CDH18: variants seen among roughly 807,000 people sequenced by gnomAD.
CDH18 encodes cadherin-18.
In CDH18, 31 loss-of-function variants were observed where a neutral mutation model predicts 67.9. The ratio of observed to expected loss-of-function variants is 0.46; its 90% CI spans 0.34 to 0.62. The LOEUF (loss-of-function observed/expected upper bound fraction) is 0.62. Ranked by LOEUF, CDH18 falls within the 20% of genes least tolerant of loss-of-function variation. The pLI is 0.01. For synonymous variants in CDH18, 362 were observed against 347.2 expected, an observed-to-expected ratio of 1.04 and a Z score of -0.48; for missense variants, 890 against 975.5, an observed-to-expected ratio of 0.91 and a Z score of 1.17.
intron 9 of CDH18, among the ~76,000 whole-genome samples, chr5:19,521,303 C>T (rs577384358): frequency 3.0e-4 from 45 of 152,160 alleles, no homozygotes; most frequent in African/African-American, 1.1e-3. Context: ...TAATTGAAAT[C>T]AAAATTTAGC....
chr5:19,742,407 TACACAC>T (rs5866397), intron 4 of CDH18, among the ~76,000 whole-genome samples: 2 of 149,590 alleles, frequency 1.3e-5, no homozygotes, highest in Admixed American at 1.3e-4. Context: ...CACGCATGGG[TACACAC>T]ACACACACAC....
chr5:19,700,395 G>A (rs1763086347), intron 5 of CDH18, among the ~76,000 whole-genome samples: 1 of 152,180 alleles, frequency 6.6e-6, no homozygotes, highest in Non-Finnish European at 1.5e-5. Flanking sequence ...ATTGTCGACT[G>A]AAACATAGTT....
chr5:20,567,049 C>A (rs751576846), intron 1 of CDH18, among the ~76,000 whole-genome samples: 18 of 152,196 alleles, frequency 1.2e-4, no homozygotes, highest in Admixed American at 3.3e-4. Context: ...ATCAACTCTT[C>A]TTTATTCACT....
chr5:19,658,979 A>T (rs1326631407), intron 5 of CDH18, among the ~76,000 whole-genome samples: 2 of 152,108 alleles, frequency 1.3e-5, no homozygotes, highest in East Asian at 3.9e-4. Flanking sequence ...ATAAAAAATG[A>T]TGAGTTCATG....
chr5:19,554,177 C>T (rs895987280), intron 8 of CDH18, among the ~76,000 whole-genome samples: 3 of 152,156 alleles, frequency 2.0e-5, no homozygotes, highest in Non-Finnish European at 2.9e-5. Flanking sequence ...TACTTTTTAA[C>T]CTCCTGAATC....
chr5:19,779,521 C>T (rs941674941), intron 3 of CDH18, among the ~76,000 whole-genome samples: 1 of 152,158 alleles, frequency 6.6e-6, no homozygotes, highest in African/African-American at 2.4e-5. Flanking sequence ...CAATTCATGG[C>T]TTCCATGTTT....
chr5:19,692,336 G>A (rs192100032), intron 5 of CDH18, among the ~76,000 whole-genome samples: 14 of 152,122 alleles, frequency 9.2e-5, no homozygotes, highest in African/African-American at 3.4e-4. Flanking sequence ...AAATTTTATG[G>A]CTAAGACCTC....
chr5:19,683,233 G>C lies in CDH18; in HGVS notation c.643+38114C>G, dbSNP rs959287214. On this transcript the variant is annotated intron_variant, in intron 5 of 12. Coordinates refer to ENST00000382275, the MANE Select transcript of CDH18 (RefSeq NM_004934.5). ...ATTGTTGCTTAAAGGAATTTCTCAT[G>C]GTTTCTTAGCAATTCTGTTTCATAT... Among the ~76,000 whole-genome samples, 4 of 151,924 alleles carry C rather than the reference G, an allele frequency of 2.6e-5. No individual in the cohort carries two copies. The South Asian group carries it at 8.3e-4, about 32-fold the overall frequency.
intron 5 of CDH18, among the ~76,000 whole-genome samples, chr5:19,687,125 T>G (rs754542386): frequency 6.6e-6 from 1 of 152,180 alleles, no homozygotes; most frequent in Non-Finnish European, 1.5e-5. Context: ...GGCTCCCCAC[T>G]GTGTGGAGCA....
chr5:19,871,479 T>C (rs979597763), intron 2 of CDH18, among the ~76,000 whole-genome samples: 2 of 152,204 alleles, frequency 1.3e-5, no homozygotes, highest in East Asian at 1.9e-4. Flanking sequence ...AAATAGCACA[T>C]AGCGTTTGAA....
intron 1 of CDH18, among the ~76,000 whole-genome samples, chr5:20,565,832 C>A (rs1237306884): frequency 6.6e-6 from 1 of 151,684 alleles, no homozygotes; most frequent in Non-Finnish European, 1.5e-5. Context: ...GTCAACTAAC[C>A]AACTAATCCC....
At chr5:20,566,100 C>G (rs1454488907) in intron 1 of CDH18, among the ~76,000 whole-genome samples, 1 of 152,034 alleles carries the variant, frequency 6.6e-6, no homozygotes, top group Non-Finnish European at 1.5e-5. Flanking sequence ...AGCACTGACT[C>G]TAATTAGTAA....
At chr5:20,173,238 AT>A (rs1736980549) in intron 2 of CDH18, among the ~76,000 whole-genome samples, 1 of 152,194 alleles carries the variant, frequency 6.6e-6, no homozygotes, top group African/African-American at 2.4e-5. Flanking sequence ...TACATGCATA[AT>A]AACAGATTGT....
chr5:20,172,208 ATATATATATATATATG>A lies in CDH18; in HGVS notation c.-518+83220_-518+83235del, dbSNP rs1454448158. On this transcript the variant is annotated intron_variant, in intron 2 of 14. Transcript: ENST00000507958. ...ATTGTGTGTATATATATATATATAT[ATATATATATATATATG>A]TATATATATATATATGTATATATAT... Among the ~76,000 whole-genome samples the A allele has an allele frequency of 9.0e-4, 60 of 66,514 alleles. 3 individuals are homozygous for A. The highest frequency in any genetic ancestry group is 3.9e-3 in the African/African-American group (55 of 14,108). 43.6% of individuals were successfully genotyped at this position (66,514 alleles called of 152,430 possible). A position where few individuals can be genotyped will look rare whatever the true frequency, so the allele number is the denominator to read the frequency against.
chr5:20,110,474 G>A (rs1747367592), intron 2 of CDH18, among the ~76,000 whole-genome samples: 1 of 152,144 alleles, frequency 6.6e-6, no homozygotes, highest in Admixed American at 6.6e-5. Flanking sequence ...CCTCAGGTCA[G>A]GAGTTTGAGA....
chr5:19,901,844 T>C (rs1789969774), intron 2 of CDH18, among the ~76,000 whole-genome samples: 1 of 151,860 alleles, frequency 6.6e-6, no homozygotes, highest in Non-Finnish European at 1.5e-5. Context: ...ATATAATATA[T>C]AAAATGACTT....
chr5:20,270,003 T>C (rs1745321881), intron 1 of CDH18, among the ~76,000 whole-genome samples: 1 of 152,066 alleles, frequency 6.6e-6, no homozygotes, highest in African/African-American at 2.4e-5. Flanking sequence ...AACATGAACC[T>C]GAACTGGATC....
chr5:20,158,816 A>T (rs542844266), intron 2 of CDH18: 1 of 190,446 alleles, frequency 5.3e-6, no homozygotes, highest in Non-Finnish European at 1.3e-5. Context: ...TTCCATTCCT[A>T]AATCAAGTCC....
chr5:19,679,695 C>T (rs920721425), intron 5 of CDH18, among the ~76,000 whole-genome samples: 2 of 151,788 alleles, frequency 1.3e-5, no homozygotes, highest in Non-Finnish European at 2.9e-5. Flanking sequence ...TTTCTAGCAG[C>T]CACAAGTAGA....
Sources: allele counts gnomAD v4.1 joint callset (sites outside exome capture counted in the v4.1 genomes callset), GRCh38; gene constraint gnomAD v4.1.1; transcripts MANE v1.5; gene names NCBI Gene and HGNC (gene_info 2026-07-23, HGNC 2026-07-21).